The following SPAG17 variants were observed in gnomAD, a reference collection of about 807,000 sequenced individuals.
SPAG17 encodes sperm-associated antigen 17.
Under a neutral mutation model 273.6 loss-of-function variants are expected in SPAG17, and 169 were observed. The observed-to-expected ratio is 0.62, with a 90% CI of 0.55 to 0.70. The LOEUF (loss-of-function observed/expected upper bound fraction) is 0.70, where lower values mean the gene tolerates loss of function less well. SPAG17 is among the 30% of genes least tolerant of loss of function. SPAG17 has a pLI of 0.00. For missense variants in SPAG17, 2,557 were observed against 2,627.8 expected, an observed-to-expected ratio of 0.97 and a Z score of 0.59; for synonymous variants, 825 against 873.2, an observed-to-expected ratio of 0.94 and a Z score of 0.97.
rs761009565 is a variant in SPAG17 at position 118,008,131 on chromosome 1, A to G, written c.4500T>C (p.Thr1500=). The G allele has an allele frequency of 6.2e-7, 1 of 1,614,088 alleles. No individual in the cohort carries two copies. The highest frequency in any genetic ancestry group is 2.2e-5 in the East Asian group (1 of 44,848). The change falls in exon 31 of 49, where the codon ACT becomes ACC. Residue 1500 remains threonine, a synonymous_variant. Coordinates refer to ENST00000336338, the MANE Select transcript of SPAG17 (RefSeq NM_206996.4). ...CMRVESSRYA[T]VIANCEDSSC... Reference sequence around the variant, plus strand: ...TACTGTCCTCACAGTTGGCGATAACAGTGGCATAGCGTGAGCTTTCTACCC... The same window carrying G: ...TACTGTCCTCACAGTTGGCGATAACGGTGGCATAGCGTGAGCTTTCTACCC...
intron 7 of SPAG17, among the ~76,000 whole-genome samples, chr1:118,094,896 A>C (rs1655611737): frequency 6.6e-6 from 1 of 152,162 alleles, no homozygotes; most frequent in African/African-American, 2.4e-5. Flanking sequence ...CATTCAGTAA[A>C]TACCTGCAAA....
intron 4 of SPAG17, among the ~76,000 whole-genome samples, chr1:118,107,126 A>C (rs1287554634): frequency 6.6e-6 from 1 of 152,206 alleles, no homozygotes; most frequent in Non-Finnish European, 1.5e-5. Flanking sequence ...TTTATAAATT[A>C]ATACAGAGTT....
At chr1:117,973,351 G>GA (rs1557852376) in intron 44 of SPAG17, 74 bp downstream of exon 44, 1 of 1,552,334 alleles carries the variant, frequency 6.4e-7, no homozygotes, top group East Asian at 2.3e-5. Flanking sequence ...GAGCAGGATT[G>GA]AAAAAAATAA....
At chr1:117,992,893 T>C (rs1210802939) in intron 35 of SPAG17, among the ~76,000 whole-genome samples, 1 of 152,172 alleles carries the variant, frequency 6.6e-6, no homozygotes, top group African/African-American at 2.4e-5. Flanking sequence ...TGTTGCATGG[T>C]GTCCTGGGTA....
Position 118,091,517 on chromosome 1 carries a change from T to G in SPAG17, c.1359+89A>C. ...GGAGAATGCACTTAGGTATTATGAG[T>G]ATAATTTTAAAATAGTGTAAAAATA... On this transcript the variant is annotated intron_variant, in intron 10 of 48. Transcript: ENST00000336338. 3 of 699,904 alleles carry G rather than the reference T, an allele frequency of 4.3e-6. No individual in the cohort carries two copies. In the South Asian group the frequency reaches 5.4e-5, roughly 13 times the overall value. The allele number at this position is 699,904 out of a possible 1,614,324, so 43.4% of individuals were successfully genotyped here.
intron 3 of SPAG17, among the ~76,000 whole-genome samples, chr1:118,130,444 C>T (rs1268908974): frequency 1.3e-5 from 2 of 152,216 alleles, no homozygotes; most frequent in Non-Finnish European, 2.9e-5. Flanking sequence ...CATATTGACA[C>T]TGGGGTGACC....
At chr1:118,008,961 A>G (rs1659187496) in intron 30 of SPAG17, among the ~76,000 whole-genome samples, 1 of 152,166 alleles carries the variant, frequency 6.6e-6, no homozygotes, top group African/African-American at 2.4e-5. Flanking sequence ...CAATATTTCA[A>G]TATTATACTC....
rs1649460550 is a variant in SPAG17 at position 118,039,352 on chromosome 1, T to C, written c.3259A>G (p.Lys1087Glu). The change falls in exon 23 of 49, where the codon AAA (lysine) becomes GAA (glutamate). Residue 1087 changes from lysine to glutamate, a missense_variant. By Grantham distance (56) the Lys-to-Glu change is moderately conservative (BLOSUM62 1). Coordinates refer to ENST00000336338, the MANE Select transcript of SPAG17 (RefSeq NM_206996.4). ...TCCTCTTCTAAATAATAATCCCCTT[T>C]CTCTTCCTTTTTCACAATTTCCTTA... ...DPKEIVKKEE[K>E]GDYYLEEEEE... is the part of the protein sequence containing the mutation. 6.2e-7 allele frequency: 1 copy of C among 1,613,456 alleles called. No homozygotes were observed. The highest frequency in any genetic ancestry group is 8.5e-7 in the Non-Finnish European group (1 of 1,179,678).
chr1:117,979,943 A>T (rs1655590575), intron 43 of SPAG17, among the ~76,000 whole-genome samples: 1 of 152,148 alleles, frequency 6.6e-6, no homozygotes. Flanking sequence ...GTACTGTTTT[A>T]TTATGTCATA....
At chr1:117,972,624 AG>A (rs1433751020) in intron 44 of SPAG17, among the ~76,000 whole-genome samples, 1 of 152,226 alleles carries the variant, frequency 6.6e-6, no homozygotes, top group African/African-American at 2.4e-5. Flanking sequence ...CACCAGATCT[AG>A]TGAGTCAGAA....
intron 3 of SPAG17, among the ~76,000 whole-genome samples, chr1:118,144,316 G>A (rs1658847433): frequency 6.6e-6 from 1 of 152,166 alleles, no homozygotes; most frequent in African/African-American, 2.4e-5. Flanking sequence ...GCCCAGGGCT[G>A]TTAACACATC....
At chr1:117,970,251 A>C in intron 45 of SPAG17, 135 bp from the exon 46 acceptor site, 1 of 732,908 alleles carries the variant, frequency 1.4e-6, no homozygotes, top group Non-Finnish European at 2.1e-6. Flanking sequence ...CATTAGAAAA[A>C]CAACTTTAAT....
intron 25 of SPAG17, among the ~76,000 whole-genome samples, chr1:118,029,387 A>T (rs1571284088): frequency 6.6e-6 from 1 of 152,150 alleles, no homozygotes; most frequent in East Asian, 1.9e-4. Flanking sequence ...TTTTTTTTAT[A>T]GCAGTCCAAA....
At chr1:118,106,382 A>C (rs1656399109) in intron 4 of SPAG17, among the ~76,000 whole-genome samples, 1 of 152,192 alleles carries the variant, frequency 6.6e-6, no homozygotes, top group Admixed American at 6.5e-5. Context: ...GTAGTTGTTC[A>C]AACTCAAAGC....
At chr1:117,991,221 T>C (rs1657035391) in intron 37 of SPAG17, among the ~76,000 whole-genome samples, 194 bp downstream of exon 37, 1 of 152,222 alleles carries the variant, frequency 6.6e-6, no homozygotes, top group Admixed American at 6.5e-5. Context: ...TGTGAATTAT[T>C]TATGAAGAGC....
Position 118,086,748 on chromosome 1 carries a change from C to T in SPAG17, c.1534G>A (p.Glu512Lys), listed in dbSNP as rs1261792559. 24 of 1,614,146 alleles carry T rather than the reference C, an allele frequency of 1.5e-5. No individual in the cohort carries two copies. Among genetic ancestry groups the T allele is most frequent in the East Asian group, 2.2e-5 (1 of 44,886 alleles). The change falls in exon 12 of 49, where the codon GAA (glutamate) becomes AAA (lysine). Residue 512 changes from glutamate (E) to lysine (K), a missense_variant. Glu to Lys is a moderately conservative substitution (Grantham distance 56, BLOSUM62 1). Coordinates refer to ENST00000336338, the MANE Select transcript of SPAG17 (RefSeq NM_206996.4). ...HDIFLSEEEN[E>K]SKAVPKGPLL... is the part of the protein sequence containing the mutation. Reference sequence around the variant, plus strand: ...GGGCCTTTGGGCACTGCTTTGCTTTCATTTTCTTCTTCAGATAAAAATATG... The same window carrying T: ...GGGCCTTTGGGCACTGCTTTGCTTTTATTTTCTTCTTCAGATAAAAATATG...
intron 1 of SPAG17, among the ~76,000 whole-genome samples, chr1:118,153,494 A>G (rs1049606845): frequency 6.6e-6 from 1 of 152,222 alleles, no homozygotes; most frequent in Non-Finnish European, 1.5e-5. Context: ...CTATTTGGCC[A>G]TAATAAAACT....
chr1:118,101,704 C>A, intron 5 of SPAG17, 36 bp downstream of exon 5: 1 of 1,591,218 alleles, frequency 6.3e-7, no homozygotes, highest in Non-Finnish European at 8.6e-7. Context: ...GTGTTTCACT[C>A]GTGAAAGGCA....
chr1:118,005,265 A>G, intron 32 of SPAG17, 149 bp downstream of exon 32: 3 of 562,676 alleles, frequency 5.3e-6, no homozygotes, highest in Non-Finnish European at 8.9e-6. Context: ...ATGTATTGAC[A>G]TTCATTACTG....
Sources: allele counts gnomAD v4.1 joint callset (sites outside exome capture counted in the v4.1 genomes callset), GRCh38; gene constraint gnomAD v4.1.1; transcripts MANE v1.5; gene names NCBI Gene and HGNC (gene_info 2026-07-23, HGNC 2026-07-21).